TIAM2: variants seen among roughly 807,000 people sequenced by gnomAD.
TIAM2 encodes TIAM Rac1 associated GEF 2.
Under a neutral mutation model 152.9 loss-of-function variants are expected in TIAM2, and 80 were observed. The observed-to-expected ratio is 0.52, with a 90% CI of 0.44 to 0.63. The LOEUF (loss-of-function observed/expected upper bound fraction) is 0.63, where lower values mean the gene tolerates loss of function less well. TIAM2 is among the 30% of genes least tolerant of loss of function. The probability of loss-of-function intolerance (pLI) is 0.00; values close to 1 mark genes in which losing one functional copy is unlikely to be tolerated. For synonymous variants in TIAM2, 804 were observed against 838.0 expected (o/e 0.96, Z 0.70); for missense variants, 1,965 against 2,120.1 (o/e 0.93, Z 1.44).
At chr6:155,028,687 T>C (rs1484462972) in intron 1 of TIAM2, among the ~76,000 whole-genome samples, 1 of 127,748 alleles carries the variant, frequency 7.8e-6, no homozygotes, top group African/African-American at 3.2e-5. Flanking sequence ...ATATACTACA[T>C]ATAATATATA....
At chr6:155,247,015 TCAGA>T (rs1288029229) in intron 19 of TIAM2, among the ~76,000 whole-genome samples, 3 of 152,224 alleles carry the variant, frequency 2.0e-5, no homozygotes, top group Admixed American at 1.3e-4. Context: ...TTCATGGCAC[TCAGA>T]CAAAGGGGCA....
At chr6:155,131,620 T>C (rs1358315380) in intron 4 of TIAM2, among the ~76,000 whole-genome samples, 7 of 151,840 alleles carry the variant, frequency 4.6e-5, no homozygotes, top group African/African-American at 7.3e-5. Context: ...CGCTCCGTTG[T>C]ACAGGCTGGA....
At chr6:155,216,177 T>G (rs9384297) in intron 15 of TIAM2, among the ~76,000 whole-genome samples, 23,444 of 151,920 alleles carry the variant, frequency 0.15, 2,036 homozygotes, top group East Asian at 0.35. Flanking sequence ...GGGAGTGGAT[T>G]TTTTGGGACT....
chr6:155,173,510 C>T lies in TIAM2; in HGVS notation c.2362-3306C>T, dbSNP rs565109619. ...TCAATAATCTGTTAATTTTTCTTCT[C>T]GAAGCTTCCAGAGAGCATTAAGAAC... On this transcript the variant is annotated intron_variant, in intron 9 of 26. Coordinates refer to ENST00000682666, the MANE Select transcript of TIAM2 (RefSeq NM_012454.4). 5.3e-5 allele frequency among the ~76,000 whole-genome samples: 8 copies of T among 152,236 alleles called. 2 individuals are homozygous for T. The highest frequency in any genetic ancestry group is 1.4e-4 in the African/African-American group (6 of 41,560).
chr6:155,065,410 A>G (rs1263163829), intron 1 of TIAM2, among the ~76,000 whole-genome samples: 1 of 152,172 alleles, frequency 6.6e-6, no homozygotes, highest in Non-Finnish European at 1.5e-5. Context: ...GTTTTTCTTA[A>G]TACAAAAGGA....
Position 155,176,958 on chromosome 6 carries a change from T to C in TIAM2, c.2504T>C (p.Ile835Thr). 1 of 1,607,096 alleles carries C rather than the reference T, an allele frequency of 6.2e-7. No homozygotes were observed. Among genetic ancestry groups the C allele is most frequent in the Non-Finnish European group, 8.5e-7 (1 of 1,178,040 alleles). ...GIKPEHRVED[I>T]LTLACKMRQL... ...AAGCCAGAGCACAGAGTAGAAGATATTTTGACTTTGGCATGCAAGGTAACG... is the reference window on the plus strand; with the variant it reads ...AAGCCAGAGCACAGAGTAGAAGATACTTTGACTTTGGCATGCAAGGTAACG... The change falls in exon 10 of 27, where the codon ATT becomes ACT. Residue 835 changes from isoleucine to threonine, a missense_variant. Transcript: ENST00000682666.
chr6:155,138,585 AT>A (rs1245045209), intron 5 of TIAM2, among the ~76,000 whole-genome samples: 1 of 151,676 alleles, frequency 6.6e-6, no homozygotes, highest in Non-Finnish European at 1.5e-5. Flanking sequence ...TCCCTCCCCC[AT>A]TCCCCCATCC....
intron 15 of TIAM2, chr6:155,216,802 TG>T: frequency 1.3e-6 from 1 of 745,662 alleles, no homozygotes; most frequent in Non-Finnish European, 1.8e-6. Flanking sequence ...TCCACGTCTG[TG>T]GTAACCCGGT....
rs1783603057 is a variant in TIAM2, at chr6:155,250,701, C to CCTT, written c.3952-210_3952-208dup. On this transcript the variant is annotated intron_variant, in intron 21 of 26. Transcript: ENST00000682666. ...CATGTGCGTGCACTGGAGCAAAATG[C>CCTT]CTTCACCTTTATGTTATTCATCAGA... 5.2e-6 allele frequency: 7 copies of CCTT among 1,344,250 alleles called. No homozygotes were observed. In the East Asian group the frequency reaches 1.7e-4, roughly 34 times the overall value. The allele number at this position is 1,344,250 out of a possible 1,614,324, so 83.3% of individuals were successfully genotyped here. A position where few individuals can be genotyped will look rare whatever the true frequency, so the allele number is the denominator to read the frequency against.
chr6:155,204,217 CTT>C (rs1310587809), intron 14 of TIAM2, among the ~76,000 whole-genome samples: 1 of 152,120 alleles, frequency 6.6e-6, no homozygotes, highest in African/African-American at 2.4e-5. Flanking sequence ...GCTATAGGTA[CTT>C]GGAATTTTCT....
chr6:155,105,470 A>G (rs1399680098), intron 2 of TIAM2, among the ~76,000 whole-genome samples: 1 of 151,504 alleles, frequency 6.6e-6, no homozygotes, highest in Non-Finnish European at 1.5e-5. Flanking sequence ...TTTTATTTTT[A>G]CTTTTTGTAG....
chr6:155,153,494 G>C (rs1028056107), intron 7 of TIAM2, among the ~76,000 whole-genome samples: 4 of 151,962 alleles, frequency 2.6e-5, no homozygotes, highest in Non-Finnish European at 5.9e-5. Context: ...TCACCGTATT[G>C]CACTCTTTGA....
chr6:155,113,815 G>A (rs1778923005), intron 2 of TIAM2, among the ~76,000 whole-genome samples: 1 of 151,712 alleles, frequency 6.6e-6, no homozygotes, highest in Non-Finnish European at 1.5e-5. Context: ...ATGGGGGTCT[G>A]TTTTGTTTAT....
rs1359077477 is a variant in TIAM2 at position 155,213,604 on chromosome 6, C to G, written c.3168+2297C>G. ...TGGGACTGGCAGCCCAGCCCCCAGA[C>G]TTCAGGCCTTCCCCGGCTTGAAAGT... On this transcript the variant is annotated intron_variant, in intron 15 of 26. Coordinates refer to ENST00000682666, the MANE Select transcript of TIAM2 (RefSeq NM_012454.4). The surrounding 1 kb of genome is among the most constrained non-coding windows in gnomAD (Gnocchi z 4.2). Among the ~76,000 whole-genome samples the G allele has an allele frequency of 6.6e-6, 1 of 152,212 alleles. No individual in the cohort carries two copies. Among genetic ancestry groups the G allele is most frequent in the Non-Finnish European group, 1.5e-5 (1 of 68,044 alleles).
In TIAM2 at chr6:155,217,107, T is replaced by A. The variant is rs753028489; in HGVS notation, c.3168+5800T>A. On this transcript the variant is annotated intron_variant, in intron 15 of 26. Coordinates refer to ENST00000682666, the MANE Select transcript of TIAM2 (RefSeq NM_012454.4). Reference sequence around the variant, plus strand: ...GTACAGCATGTAAGTAAACAAGGGCTTTGATTTTCATGGGTAAAGATTTTG... The same window carrying A: ...GTACAGCATGTAAGTAAACAAGGGCATTGATTTTCATGGGTAAAGATTTTG... 70 of 1,289,378 alleles carry A rather than the reference T, an allele frequency of 5.4e-5. 1 individual carries two copies. In the South Asian group the frequency reaches 8.3e-4, roughly 15 times the overall value. 79.9% of individuals were successfully genotyped at this position (1,289,378 alleles called of 1,614,324 possible).
Position 155,176,866 on chromosome 6 carries a change from A to G in TIAM2, c.2412A>G (p.Arg804=). The change falls in exon 10 of 27, where the codon CGA becomes CGG. Residue 804 remains arginine (R), a synonymous_variant. Coordinates refer to ENST00000682666, the MANE Select transcript of TIAM2 (RefSeq NM_012454.4). The part of the protein sequence containing the change: ...IYGSTVDGVP[R]DNAWEIQTYV... Reference sequence around the variant, plus strand: ...GTTCAACAGTAGACGGTGTTCCCCGAGACAATGCATGGGAAATCCAGACTT... The same window carrying G: ...GTTCAACAGTAGACGGTGTTCCCCGGGACAATGCATGGGAAATCCAGACTT... The G allele has an allele frequency of 6.2e-7, 1 of 1,614,156 alleles. No homozygotes were observed. The highest frequency in any genetic ancestry group is 8.5e-7 in the Non-Finnish European group (1 of 1,179,994).
At position 155,179,484 on chromosome 6, in the gene TIAM2, G is replaced by C. The variant is rs766461759; in HGVS notation, c.2707+28G>C. The C allele has an allele frequency of 2.5e-6, 4 of 1,569,056 alleles. No homozygotes were observed. The South Asian group carries it at 4.8e-5, about 19-fold the overall frequency. On this transcript the variant is annotated intron_variant, in intron 12 of 26. Transcript: ENST00000682666. ...GAGTGTAAGGAATGCCCCTTTCAGG[G>C]AATTGTGTTGTTCATCTTTGCCTAC... is the stretch of plus-strand genomic sequence containing the variant.
At chr6:155,226,803 G>A (rs912975218) in intron 15 of TIAM2, among the ~76,000 whole-genome samples, 11 of 152,232 alleles carry the variant, frequency 7.2e-5, no homozygotes, top group Admixed American at 2.0e-4. Flanking sequence ...CCCCAAGTCA[G>A]AGCCCGTGCC....
chr6:155,049,610 A>G (rs943507103), intron 1 of TIAM2, among the ~76,000 whole-genome samples: 3 of 152,066 alleles, frequency 2.0e-5, no homozygotes, highest in Non-Finnish European at 2.9e-5. Context: ...CTGAGGGTAC[A>G]TTTTACCAGT....
Sources: allele counts gnomAD v4.1 joint callset (sites outside exome capture counted in the v4.1 genomes callset), GRCh38; gene constraint gnomAD v4.1.1; non-coding constraint Gnocchi (gnomAD v3.1); transcripts MANE v1.5; gene names NCBI Gene and HGNC (gene_info 2026-07-23, HGNC 2026-07-21).